The following CC2D2A variants were observed in gnomAD, a reference collection of about 807,000 sequenced individuals.
CC2D2A encodes coiled-coil and C2 domain containing 2A.
CC2D2A carries 155 observed loss-of-function variants against 212.9 expected under a neutral mutation model. The observed-to-expected ratio is 0.73, with a 90% CI of 0.64 to 0.83. The LOEUF (loss-of-function observed/expected upper bound fraction) is 0.83, where lower values mean the gene tolerates loss of function less well. Among genes scored for constraint, CC2D2A ranks in the 40% least tolerant of loss-of-function variants. The pLI is 0.00. For synonymous variants in CC2D2A, 667 were observed against 686.5 expected (o/e 0.97, Z 0.44); for missense variants, 1,856 against 1,956.2 (o/e 0.95, Z 0.97).
At chr4:15,550,676 A>G in intron 17 of CC2D2A, 148 bp from the exon 18 acceptor site, 1 of 485,972 alleles carries the variant, frequency 2.1e-6, no homozygotes, top group Non-Finnish European at 3.5e-6. Context: ...GAAACCATAT[A>G]GTAACACAAC....
At chr4:15,539,037 GAATA>G (rs1196640328) in intron 16 of CC2D2A, among the ~76,000 whole-genome samples, 1 of 151,622 alleles carries the variant, frequency 6.6e-6, no homozygotes, top group Non-Finnish European at 1.5e-5. Flanking sequence ...CACCTCTATT[GAATA>G]AATAAATAAA....
intron 26 of CC2D2A, 109 bp from the exon 27 acceptor site, chr4:15,569,184 T>C: frequency 1.5e-6 from 1 of 649,174 alleles, no homozygotes; most frequent in South Asian, 1.9e-5. Flanking sequence ...ATGCTTTTAA[T>C]TCTAACATCT....
chr4:15,499,025 T>G (rs2108994315), intron 4 of CC2D2A, among the ~76,000 whole-genome samples: 1 of 152,100 alleles, frequency 6.6e-6, no homozygotes, highest in East Asian at 1.9e-4. Flanking sequence ...TTGGAAATCT[T>G]TAAATCCTCT....
intron 6 of CC2D2A, 113 bp from the exon 7 acceptor site, chr4:15,510,026 G>A (rs1177680459): frequency 1.3e-6 from 1 of 759,972 alleles, no homozygotes; most frequent in Non-Finnish European, 2.2e-6. Flanking sequence ...ATGATAAGAT[G>A]CAGCAGCAGT....
intron 8 of CC2D2A, 41 bp from the exon 9 acceptor site, chr4:15,514,666 C>A: frequency 7.1e-7 from 1 of 1,413,808 alleles, no homozygotes. Context: ...AACTAAGAAT[C>A]TTAGCATGAT....
chr4:15,550,750 C>T, intron 17 of CC2D2A, 74 bp from the exon 18 acceptor site: 1 of 1,139,146 alleles, frequency 8.8e-7, no homozygotes. Flanking sequence ...ATACTAACAA[C>T]ATGGACTGAT....
chr4:15,567,763 T>C lies in CC2D2A; in HGVS notation c.3375T>C (p.Asn1125=), dbSNP rs1415318878. 1 of 1,596,518 alleles carries C rather than the reference T, an allele frequency of 6.3e-7. No individual in the cohort carries two copies. Among genetic ancestry groups the C allele is most frequent in the South Asian group, 1.2e-5 (1 of 86,766 alleles). The part of the protein sequence containing the change: ...TTAEGPNPSW[N]EELELPFRAP... ...CTGAAGGACCAAACCCTAGCTGGAATGAAGAACTAGAACTTCCATTTAGGT... is the reference window on the plus strand; with the variant it reads ...CTGAAGGACCAAACCCTAGCTGGAACGAAGAACTAGAACTTCCATTTAGGT... Residue 1125 remains asparagine (N), a synonymous_variant, in exon 26 of 37, where the codon AAT becomes AAC. Transcript: ENST00000424120.
chr4:15,502,460 A>G lies in CC2D2A; in HGVS notation c.279A>G (p.Thr93=), dbSNP rs987594766. The change falls in exon 5 of 37, where the codon ACA becomes ACG. Residue 93 remains threonine (T), a synonymous_variant. Coordinates refer to ENST00000424120, the MANE Select transcript of CC2D2A (RefSeq NM_001378615.1). ...SLPPIPSTSR[T]GFAEFSMRGR... is the part of the protein sequence containing the mutation. ...CTCCAATTCCTTCAACTTCCAGAAC[A>G]GGCTTTGCAGAATTTTCCATGAGGG... 2 of 1,608,204 alleles carry G rather than the reference A, an allele frequency of 1.2e-6. No individual in the cohort carries two copies. Among genetic ancestry groups the G allele is most frequent in the Non-Finnish European group, 1.7e-6 (2 of 1,178,466 alleles).
At chr4:15,511,146 A>G in intron 7 of CC2D2A, 101 bp from the exon 8 acceptor site, 1 of 1,280,832 alleles carries the variant, frequency 7.8e-7, no homozygotes, top group Non-Finnish European at 1.0e-6. Flanking sequence ...GGCCTGGAAT[A>G]TGCCTGATCT....
chr4:15,484,492 T>A (rs1271712030), intron 4 of CC2D2A, among the ~76,000 whole-genome samples: 4 of 151,324 alleles, frequency 2.6e-5, no homozygotes, highest in African/African-American at 9.7e-5. Context: ...TTGGAAGGAG[T>A]GAGGGCAGAA....
chr4:15,499,202 C>A (rs1229510350), intron 4 of CC2D2A, among the ~76,000 whole-genome samples: 2 of 152,162 alleles, frequency 1.3e-5, no homozygotes, highest in Non-Finnish European at 2.9e-5. Context: ...TCATTATAAG[C>A]TTTATCCAAA....
intron 34 of CC2D2A, among the ~76,000 whole-genome samples, chr4:15,596,976 A>C (rs1357463712): frequency 6.6e-6 from 1 of 152,184 alleles, no homozygotes; most frequent in African/African-American, 2.4e-5. Context: ...CATGTTCATA[A>C]AACAATTACG....
intron 11 of CC2D2A, among the ~76,000 whole-genome samples, chr4:15,525,304 G>C (rs556255642): frequency 2.0e-5 from 3 of 152,184 alleles, no homozygotes; most frequent in African/African-American, 7.2e-5. Context: ...CCATAGGTAA[G>C]AGGCAAGGCA....
chr4:15,560,318 C>T (rs1167468611), intron 22 of CC2D2A, among the ~76,000 whole-genome samples: 1 of 152,046 alleles, frequency 6.6e-6, no homozygotes, highest in East Asian at 1.9e-4. Flanking sequence ...GTAAGCAAAA[C>T]AGGAAAACCC....
Position 15,586,152 on chromosome 4 carries a change from T to C in CC2D2A, c.3976-5T>C, listed in dbSNP as rs1186305213. 1.2e-6 allele frequency: 2 copies of C among 1,605,664 alleles called. No individual in the cohort carries two copies. Among genetic ancestry groups the C allele is most frequent in the South Asian group, 2.2e-5 (2 of 90,516 alleles). On this transcript the variant is annotated splice_polypyrimidine_tract_variant and splice_region_variant and intron_variant, in intron 30 of 36. Coordinates refer to ENST00000424120, the MANE Select transcript of CC2D2A (RefSeq NM_001378615.1). ...ATTTTTGTAAAGCTCATTTTGATTATACAGGAACTGGTGGCTCGATATGTG... is the reference window on the plus strand; with the variant it reads ...ATTTTTGTAAAGCTCATTTTGATTACACAGGAACTGGTGGCTCGATATGTG...
Position 15,538,082 on chromosome 4 carries a change from C to G in CC2D2A, c.1948C>G (p.Leu650Val), listed in dbSNP as rs1382964089. 3.1e-6 allele frequency: 5 copies of G among 1,605,954 alleles called. No individual in the cohort carries two copies. The highest frequency in any genetic ancestry group is 3.4e-5 in the Admixed American group (2 of 58,960). Reference protein sequence around the residue: ...QSRRRPWEPTLVPELSLAGSV... With the variant: ...QSRRRPWEPTVVPELSLAGSV... ...CAGGAGGAGGCCTTGGGAGCCCACG[C>G]TGGTCCCGGAGCTAAGCCTGGCAGG... The change falls in exon 16 of 37, where the codon CTG (leucine) becomes GTG (valine). Residue 650 changes from leucine (L) to valine (V), a missense_variant. Coordinates refer to ENST00000424120, the MANE Select transcript of CC2D2A (RefSeq NM_001378615.1).
At chr4:15,546,594 G>GGTT (rs1208436930) in intron 17 of CC2D2A, among the ~76,000 whole-genome samples, 1 of 152,234 alleles carries the variant, frequency 6.6e-6, no homozygotes, top group Admixed American at 6.5e-5. Flanking sequence ...GTTTGGAGAA[G>GGTT]TGTCCTTGTT....
chr4:15,478,599 C>A, intron 2 of CC2D2A, 124 bp from the exon 3 acceptor site: 1 of 669,696 alleles, frequency 1.5e-6, no homozygotes, highest in Non-Finnish European at 2.6e-6. Flanking sequence ...TAACTGTCCC[C>A]CAACTCACAC....
intron 28 of CC2D2A, among the ~76,000 whole-genome samples, chr4:15,571,658 T>C (rs1577386392): frequency 6.6e-6 from 1 of 151,768 alleles, no homozygotes; most frequent in Non-Finnish European, 1.5e-5. Context: ...AATTGGTTGG[T>C]ATCCCAAGAA....
Sources: allele counts gnomAD v4.1 joint callset (sites outside exome capture counted in the v4.1 genomes callset), GRCh38; gene constraint gnomAD v4.1.1; transcripts MANE v1.5; gene names NCBI Gene and HGNC (gene_info 2026-07-23, HGNC 2026-07-21).